The following NTRK3 variants were observed in gnomAD, a reference collection of about 807,000 sequenced individuals.
The protein encoded by NTRK3 is NT-3 growth factor receptor.
Under a neutral mutation model 91.7 loss-of-function variants are expected in NTRK3, and 24 were observed. The ratio of observed to expected loss-of-function variants is 0.26; its 90% CI spans 0.19 to 0.37. The LOEUF is 0.37. NTRK3 is among the 10% of genes least tolerant of loss of function. NTRK3 has a pLI of 1.00. For missense variants in NTRK3, 880 were observed against 1,068.9 expected (o/e 0.82, Z 2.46); for synonymous variants, 483 against 404.0 (o/e 1.20, Z -2.34).
chr15:87,877,145 A>C, intron 18 of NTRK3, 25 bp from the exon 20 acceptor site: 1 of 1,612,320 alleles, frequency 6.2e-7, no homozygotes. Flanking sequence ...AGAACAAGGA[A>C]GTTACACCCA....
In NTRK3 at chr15:87,889,634, A is replaced by G. The variant is rs140281989; in HGVS notation, c.2134-9206T>C. Among the ~76,000 whole-genome samples the G allele has an allele frequency of 1.8e-4, 27 of 152,142 alleles. No homozygotes were observed. In the East Asian group the frequency reaches 3.9e-3, roughly 22 times the overall value. On this transcript the variant is annotated intron_variant, in intron 17 of 18. Transcript: ENST00000394480. ...ATGGGCTGAGTTGAATAGTTACAGAAGAGATCACCTTAAAGTTGCAACAGG... is the reference window on the plus strand; with the variant it reads ...ATGGGCTGAGTTGAATAGTTACAGAGGAGATCACCTTAAAGTTGCAACAGG...
At chr15:88,081,166 T>C (rs1223288353) in intron 13 of NTRK3, among the ~76,000 whole-genome samples, 1 of 152,160 alleles carries the variant, frequency 6.6e-6, no homozygotes, top group Non-Finnish European at 1.5e-5. Context: ...TGCGTGAGTG[T>C]GCCTGGCCAG....
intron 5 of NTRK3, among the ~76,000 whole-genome samples, chr15:88,155,445 G>T (rs2043799658): frequency 6.6e-6 from 1 of 152,236 alleles, no homozygotes; most frequent in African/African-American, 2.4e-5. Flanking sequence ...GTAGCCTGAT[G>T]AGACCCATGT....
At chr15:88,174,501 T>G (rs1051685680) in intron 5 of NTRK3, among the ~76,000 whole-genome samples, 1 of 152,078 alleles carries the variant, frequency 6.6e-6, no homozygotes, top group Non-Finnish European at 1.5e-5. Context: ...GCCTCCCACA[T>G]CATTCACTCT....
At chr15:88,005,282 C>G (rs1170955355) in intron 14 of NTRK3, among the ~76,000 whole-genome samples, 2 of 152,180 alleles carry the variant, frequency 1.3e-5, no homozygotes, top group Non-Finnish European at 2.9e-5. Flanking sequence ...ACCCCCAGTT[C>G]ATTCAGGACT....
intron 14 of NTRK3, among the ~76,000 whole-genome samples, chr15:87,961,311 G>C (rs1210239895): frequency 6.6e-6 from 1 of 152,200 alleles, no homozygotes; most frequent in Non-Finnish European, 1.5e-5. Context: ...ATTAAGTTTA[G>C]AGACTATCAT....
At chr15:88,053,967 G>T (rs1368417239) in intron 13 of NTRK3, among the ~76,000 whole-genome samples, 1 of 152,148 alleles carries the variant, frequency 6.6e-6, no homozygotes, top group Non-Finnish European at 1.5e-5. Context: ...CTGATAGAAA[G>T]GTTTGCTCTC....
rs2069605951 is a variant in NTRK3 at position 87,939,491 on chromosome 15, T to A, written c.1716+1132A>T. On this transcript the variant is annotated intron_variant, in intron 15 of 18. Transcript: ENST00000394480. Reference sequence around the variant, plus strand: ...ATGCCCATGCTATGCCTGCACTGTATTGCCTTCATTCTTCGAGGCTATTTG... The same window carrying A: ...ATGCCCATGCTATGCCTGCACTGTAATGCCTTCATTCTTCGAGGCTATTTG... Among the ~76,000 whole-genome samples, 6 of 152,224 alleles carry A rather than the reference T, an allele frequency of 3.9e-5. No homozygotes were observed. In the South Asian group the frequency reaches 1.2e-3, roughly 32 times the overall value.
intron 3 of NTRK3, among the ~76,000 whole-genome samples, chr15:88,248,421 C>T (rs2053045800): frequency 6.6e-6 from 1 of 152,216 alleles, no homozygotes; most frequent in African/African-American, 2.4e-5. Flanking sequence ...GCCAGGGTAA[C>T]TCCCACCCAA....
At chr15:88,105,645 T>A (rs117043517) in intron 13 of NTRK3, among the ~76,000 whole-genome samples, 11 of 151,958 alleles carry the variant, frequency 7.2e-5, no homozygotes, top group African/African-American at 2.7e-4. Flanking sequence ...TAAAAACAAC[T>A]CCATAAAGTA....
chr15:87,876,247 G>A (rs573750830), exon 19 of NTRK3: 48 of 232,494 alleles, frequency 2.1e-4, no homozygotes, highest in African/African-American at 5.3e-4. Context: ...GTGTTTACCC[G>A]TAGGTGCCAT....
chr15:88,139,018 C>T (rs2042138184), intron 6 of NTRK3, among the ~76,000 whole-genome samples: 1 of 152,188 alleles, frequency 6.6e-6, no homozygotes, highest in South Asian at 2.1e-4. Context: ...TTTATTCTTT[C>T]ATAAATTCAA....
At chr15:88,072,752 G>A (rs1250849562) in intron 13 of NTRK3, 1 of 232,962 alleles carries the variant, frequency 4.3e-6, no homozygotes, top group African/African-American at 2.2e-5. Flanking sequence ...CTGGCTTTTG[G>A]GGGAGAGGCT....
At chr15:88,105,406 G>A (rs1228220398) in intron 13 of NTRK3, among the ~76,000 whole-genome samples, 2 of 152,174 alleles carry the variant, frequency 1.3e-5, no homozygotes, top group Non-Finnish European at 2.9e-5. Context: ...CCTTAGCAAT[G>A]AGGTGTTCCA....
chr15:87,861,308 A>G (rs1178145811), exon 19 of NTRK3: 1 of 217,116 alleles, frequency 4.6e-6, no homozygotes, highest in Non-Finnish European at 9.3e-6. Context: ...TAATATCCTA[A>G]TAATGCACTG....
chr15:87,916,458 G>C, intron 17 of NTRK3: 3 of 699,686 alleles, frequency 4.3e-6, no homozygotes, highest in South Asian at 3.0e-5. Context: ...CTCCTTTCCC[G>C]AGGACAGAAT....
At chr15:88,226,817 G>T (rs1052616296) in intron 3 of NTRK3, among the ~76,000 whole-genome samples, 3 of 152,250 alleles carry the variant, frequency 2.0e-5, no homozygotes, top group Admixed American at 1.3e-4. Context: ...GTGTTTTGCA[G>T]AAATTATCTT....
chr15:88,254,207 C>G (rs1367180350), intron 3 of NTRK3, among the ~76,000 whole-genome samples: 5 of 152,166 alleles, frequency 3.3e-5, no homozygotes, highest in African/African-American at 1.2e-4. Context: ...CACATCCACC[C>G]CCTACACACA....
At chr15:87,948,119 T>C (rs571385334) in intron 14 of NTRK3, among the ~76,000 whole-genome samples, 1 of 152,352 alleles carries the variant, frequency 6.6e-6, no homozygotes, top group Admixed American at 6.5e-5. Context: ...CATAAGAGCA[T>C]AGCCAGACAA....
Sources: gnomAD v4.1 joint callset for allele counts (sites outside exome capture counted in the v4.1 genomes callset) on GRCh38, gnomAD v4.1.1 for gene constraint, MANE v1.5 for transcripts, NCBI Gene and HGNC (gene_info 2026-07-23, HGNC 2026-07-21) for gene names.